Variants in L2HGDH observed in about 807,000 individuals in gnomAD.
L2HGDH encodes the protein L-2-hydroxyglutarate dehydrogenase, mitochondrial.
In L2HGDH, 34 loss-of-function variants were observed where a neutral mutation model predicts 51.5. The observed-to-expected ratio is 0.66, with a 90% CI of 0.50 to 0.88. The LOEUF is 0.88. Ranked by LOEUF, L2HGDH falls within the 40% of genes least tolerant of loss-of-function variation. L2HGDH has a pLI of 0.00. For missense variants in L2HGDH, 558 were observed against 571.9 expected (o/e 0.98, Z 0.25); for synonymous variants, 198 against 197.9 (o/e 1.00, Z -0.01).
intron 4 of L2HGDH, among the ~76,000 whole-genome samples, chr14:50,290,462 C>T (rs1391760871): frequency 2.0e-5 from 3 of 152,142 alleles, no homozygotes; most frequent in Admixed American, 2.0e-4. Context: ...TCAAGTCCTT[C>T]GGTAGCTATC....
chr14:50,267,187 T>TCA, intron 8 of L2HGDH, among the ~76,000 whole-genome samples: 2 of 148,486 alleles, frequency 1.3e-5, no homozygotes, highest in Middle Eastern at 3.4e-3. Context: ...ATTTATTTAT[T>TCA]TATTCATTTT....
At chr14:50,266,261 T>G (rs988603931) in intron 8 of L2HGDH, among the ~76,000 whole-genome samples, 2 of 152,104 alleles carry the variant, frequency 1.3e-5, no homozygotes, top group African/African-American at 4.8e-5. Flanking sequence ...ATGGAAATAT[T>G]AGATGCCTTC....
At chr14:50,279,731 T>C (rs1350731809) in intron 5 of L2HGDH, among the ~76,000 whole-genome samples, 1 of 151,468 alleles carries the variant, frequency 6.6e-6, no homozygotes, top group African/African-American at 2.4e-5. Context: ...AAAGCATATT[T>C]AAAAAGATTG....
chr14:50,289,678 A>T (rs17778466), intron 4 of L2HGDH, among the ~76,000 whole-genome samples: 12,586 of 152,278 alleles, frequency 0.083, 697 homozygotes, highest in Non-Finnish European at 0.12. Flanking sequence ...TGTTCAAAAA[A>T]GCATATAATA....
intron 6 of L2HGDH, 46 bp downstream of exon 6, chr14:50,278,474 G>C (rs905350895): frequency 1.0e-5 from 13 of 1,260,500 alleles, no homozygotes; most frequent in Non-Finnish European, 1.4e-5. Context: ...TTTTAATAAA[G>C]GGGAGGGAAA....
chr14:50,251,916 C>A (rs1888374978), intron 9 of L2HGDH, among the ~76,000 whole-genome samples: 1 of 151,958 alleles, frequency 6.6e-6, no homozygotes, highest in Non-Finnish European at 1.5e-5. Context: ...AAGAAGAAAT[C>A]ATATAAAGGT....
Position 50,243,687 on chromosome 14 carries a change from T to A in L2HGDH, c.*3371A>T, listed in dbSNP as rs1028639356. 89 of 195,360 alleles carry A rather than the reference T, an allele frequency of 4.6e-4. No homozygotes were observed. The highest frequency in any genetic ancestry group is 6.7e-4 in the Non-Finnish European group (78 of 117,190). 12.1% of individuals were successfully genotyped at this position (195,360 alleles called of 1,614,324 possible). A position where few individuals can be genotyped will look rare whatever the true frequency, so the allele number is the denominator to read the frequency against. On this transcript the variant is annotated 3_prime_UTR_variant, in exon 10 of 10. Coordinates refer to ENST00000267436, the MANE Select transcript of L2HGDH (RefSeq NM_024884.3). ...TTTATATATATATATATATATATAT[T>A]GTTTATTATTATACTTTAAGTTTTA...
At chr14:50,293,608 C>T (rs1158438347) in intron 4 of L2HGDH, among the ~76,000 whole-genome samples, 1 of 152,050 alleles carries the variant, frequency 6.6e-6, no homozygotes, top group Non-Finnish European at 1.5e-5. Flanking sequence ...TGAAATGCTG[C>T]AATCCCAGCA....
At chr14:50,293,373 T>G in intron 4 of L2HGDH, 1 of 625,198 alleles carries the variant, frequency 1.6e-6, no homozygotes. Flanking sequence ...ATGTGAAATG[T>G]AAAACAATAA....
chr14:50,242,597 G>A lies in L2HGDH; in HGVS notation c.*4461C>T, dbSNP rs971007902. 2 of 984,728 alleles carry A rather than the reference G, an allele frequency of 2.0e-6. No individual in the cohort carries two copies. The highest frequency in any genetic ancestry group is 1.2e-4 in the Admixed American group (2 of 16,258). The allele number at this position is 984,728 out of a possible 1,614,324, so 61.0% of individuals were successfully genotyped here. A position where few individuals can be genotyped will look rare whatever the true frequency, so the allele number is the denominator to read the frequency against. ...CTGTTCTTCCCTTCAGGGCTTCAGG[G>A]TTTATTTCCATTCTTAAGCTATTTA... On this transcript the variant is annotated 3_prime_UTR_variant, in exon 10 of 10. Transcript: ENST00000267436.
intron 3 of L2HGDH, among the ~76,000 whole-genome samples, chr14:50,300,457 G>A (rs1303048111): frequency 2.0e-5 from 3 of 151,944 alleles, no homozygotes; most frequent in Non-Finnish European, 4.4e-5. Context: ...ACCACACCCG[G>A]CTAATTTTTA....
At chr14:50,301,914 C>T (rs1774426656) in intron 3 of L2HGDH, 103 bp downstream of exon 3, 1 of 1,181,544 alleles carries the variant, frequency 8.5e-7, no homozygotes, top group Non-Finnish European at 1.2e-6. Flanking sequence ...TGAAAAATTA[C>T]ATAGATACAA....
Position 50,243,360 on chromosome 14 carries a change from G to C in L2HGDH, c.*3698C>G. On this transcript the variant is annotated 3_prime_UTR_variant, in exon 10 of 10. Coordinates refer to ENST00000267436, the MANE Select transcript of L2HGDH (RefSeq NM_024884.3). Reference sequence around the variant, plus strand: ...GTATTATATACTAACACAGAAATGAGTTTTTTAAAAAGGTTGGCTGCTATC... The same window carrying C: ...GTATTATATACTAACACAGAAATGACTTTTTTAAAAAGGTTGGCTGCTATC... 2 of 984,530 alleles carry C rather than the reference G, an allele frequency of 2.0e-6. No individual in the cohort carries two copies. The highest frequency in any genetic ancestry group is 2.4e-6 in the Non-Finnish European group (2 of 829,238). The allele number at this position is 984,530 out of a possible 1,614,324, so 61.0% of individuals were successfully genotyped here.
chr14:50,261,254 T>G (rs1749891817), intron 9 of L2HGDH, among the ~76,000 whole-genome samples: 2 of 152,366 alleles, frequency 1.3e-5, no homozygotes, highest in South Asian at 4.1e-4. Context: ...TGTAGAAATG[T>G]TTGAGTTTTG....
chr14:50,248,276 T>TA (rs753748414), intron 9 of L2HGDH, among the ~76,000 whole-genome samples: 14 of 152,206 alleles, frequency 9.2e-5, no homozygotes, highest in Non-Finnish European at 1.5e-4. Flanking sequence ...TTCTATCTTA[T>TA]ACACACCAGC....
At chr14:50,269,379 G>C in intron 6 of L2HGDH, 49 bp from the exon 7 acceptor site, 1 of 1,536,620 alleles carries the variant, frequency 6.5e-7, no homozygotes, top group Non-Finnish European at 9.0e-7. Context: ...GAGTAGAATA[G>C]GTCAAGAGGG....
chr14:50,260,665 C>T (rs950838377), intron 9 of L2HGDH, among the ~76,000 whole-genome samples: 32 of 152,138 alleles, frequency 2.1e-4, no homozygotes, highest in Non-Finnish European at 3.7e-4. Context: ...TTCCTCCAGA[C>T]TCTTATTACT....
chr14:50,269,611 A>G (rs983817827), intron 6 of L2HGDH, among the ~76,000 whole-genome samples: 1 of 152,206 alleles, frequency 6.6e-6, no homozygotes, highest in Non-Finnish European at 1.5e-5. Flanking sequence ...ATGCATGCAC[A>G]CAAATACATA....
intron 6 of L2HGDH, among the ~76,000 whole-genome samples, chr14:50,274,531 A>G (rs1384152359): frequency 6.6e-6 from 1 of 152,200 alleles, no homozygotes; most frequent in Non-Finnish European, 1.5e-5. Context: ...CCATCACAGG[A>G]AACAGTAAGG....
Sources: gnomAD v4.1 joint callset for allele counts (sites outside exome capture counted in the v4.1 genomes callset) on GRCh38, gnomAD v4.1.1 for gene constraint, MANE v1.5 for transcripts, NCBI Gene and HGNC (gene_info 2026-07-23, HGNC 2026-07-21) for gene names.